Variants in AGBL1 observed in about 807,000 individuals in gnomAD.
AGBL1 encodes AGBL carboxypeptidase 1.
In AGBL1, 130 loss-of-function variants were observed where a neutral mutation model predicts 118.9. That is an observed-to-expected ratio of 1.09 (90% CI 0.95 to 1.26). The LOEUF (loss-of-function observed/expected upper bound fraction) is 1.26, where lower values mean the gene tolerates loss of function less well. AGBL1 is among the 50% of genes most tolerant of loss of function. The pLI is 0.00. For synonymous variants in AGBL1, 555 were observed against 478.9 expected (o/e 1.16, Z -2.08); for missense variants, 1,584 against 1,298.1 (o/e 1.22, Z -3.38).
rs1491070235 is a variant in AGBL1 at position 86,625,383 on chromosome 15, TTG to T, written c.2995-48888_2995-48887del. Among the ~76,000 whole-genome samples the T allele has an allele frequency of 1.2e-3, 45 of 38,838 alleles. 7 individuals carry two copies. Among genetic ancestry groups the T allele is most frequent in the East Asian group, 3.8e-3 (3 of 784 alleles). 25.5% of individuals were successfully genotyped at this position (38,838 alleles called of 152,430 possible). A position where few individuals can be genotyped will look rare whatever the true frequency, so the allele number is the denominator to read the frequency against. On this transcript the variant is annotated intron_variant, in intron 21 of 22. Coordinates refer to ENST00000614907, the MANE Select transcript of AGBL1 (RefSeq NM_001386094.1). ...AATTAGCGTTTTTTTTTTTTTGTTT[TTG>T]TTTTTTTTTTTTTTTACAAACACAG... is the stretch of plus-strand genomic sequence containing the variant.
intron 7 of AGBL1, among the ~76,000 whole-genome samples, chr15:86,249,286 A>G (rs566486597): frequency 6.6e-6 from 1 of 152,154 alleles, no homozygotes; most frequent in Non-Finnish European, 1.5e-5. Flanking sequence ...TCTTCTCTGG[A>G]CACCCTCCAG....
chr15:86,639,819 T>A (rs896256018), intron 21 of AGBL1, among the ~76,000 whole-genome samples: 2 of 152,134 alleles, frequency 1.3e-5, no homozygotes, highest in Non-Finnish European at 2.9e-5. Flanking sequence ...GGGAAACCCA[T>A]GTATATTAAT....
chr15:86,142,630 G>C (rs541560316), intron 2 of AGBL1, among the ~76,000 whole-genome samples: 1 of 152,222 alleles, frequency 6.6e-6, no homozygotes, highest in East Asian at 1.9e-4. Context: ...ACACTGAACA[G>C]GCAATATCAG....
intron 21 of AGBL1, among the ~76,000 whole-genome samples, chr15:86,597,036 T>C (rs899851242): frequency 1.3e-5 from 2 of 152,310 alleles, no homozygotes; most frequent in Admixed American, 6.5e-5. Flanking sequence ...GTTCTCATTT[T>C]CCACAGCAAG....
intron 21 of AGBL1, among the ~76,000 whole-genome samples, chr15:86,572,678 C>T (rs935801794): frequency 6.6e-6 from 1 of 152,178 alleles, no homozygotes; most frequent in East Asian, 1.9e-4. Flanking sequence ...TCGGCTGCCT[C>T]AGGGTACAGG....
At chr15:86,651,857 C>T (rs970660460) in intron 21 of AGBL1, among the ~76,000 whole-genome samples, 2 of 152,108 alleles carry the variant, frequency 1.3e-5, no homozygotes, top group Non-Finnish European at 2.9e-5. Flanking sequence ...TGGTGTCAGT[C>T]CTGGTTGCCC....
At chr15:86,975,923 A>G (rs905026657) in intron 23 of AGBL1, among the ~76,000 whole-genome samples, 3 of 58,670 alleles carry the variant, frequency 5.1e-5, no homozygotes, top group Admixed American at 4.4e-4. Context: ...TGCAAGCCCC[A>G]TGACAGCAGA....
At chr15:86,229,426 T>C (rs1417543142) in intron 6 of AGBL1, among the ~76,000 whole-genome samples, 1 of 152,114 alleles carries the variant, frequency 6.6e-6, no homozygotes, top group East Asian at 1.9e-4. Flanking sequence ...GAGAACTCAC[T>C]CACTATCAGG....
At chr15:87,024,185 G>A (rs2081699230) in intron 24 of AGBL1, among the ~76,000 whole-genome samples, 1 of 151,774 alleles carries the variant, frequency 6.6e-6, no homozygotes, top group Admixed American at 6.6e-5. Context: ...AAAGATAAAT[G>A]AAACAAAAAT....
chr15:86,825,712 C>T (rs1286455913), intron 22 of AGBL1, among the ~76,000 whole-genome samples: 11 of 119,786 alleles, frequency 9.2e-5, no homozygotes, highest in Admixed American at 1.9e-4. Flanking sequence ...AGGGAGAAAG[C>T]GAGAGAGGGA....
chr15:86,626,064 A>G (rs550327107), intron 21 of AGBL1, among the ~76,000 whole-genome samples: 238 of 152,304 alleles, frequency 1.6e-3, no homozygotes, highest in African/African-American at 5.5e-3. Context: ...AGTCAGGAAA[A>G]AAAGGGTTGC....
At chr15:86,701,410 G>A (rs1168914719) in intron 22 of AGBL1, among the ~76,000 whole-genome samples, 1 of 152,068 alleles carries the variant, frequency 6.6e-6, no homozygotes, top group Non-Finnish European at 1.5e-5. Flanking sequence ...ATAAATAGTT[G>A]ATAGAATCCA....
At chr15:86,433,445 T>G (rs919508429) in intron 18 of AGBL1, among the ~76,000 whole-genome samples, 2 of 152,004 alleles carry the variant, frequency 1.3e-5, no homozygotes, top group African/African-American at 2.4e-5. Flanking sequence ...CGTTGGCATT[T>G]CTTGTGCAAG....
intron 17 of AGBL1, among the ~76,000 whole-genome samples, chr15:86,391,740 G>A (rs987932351): frequency 6.8e-6 from 1 of 147,260 alleles, no homozygotes; most frequent in African/African-American, 2.5e-5. Flanking sequence ...AAGCAGGCAG[G>A]AACTTAGTTT....
chr15:86,238,750 G>A (rs1405442738), intron 6 of AGBL1, among the ~76,000 whole-genome samples: 5 of 152,232 alleles, frequency 3.3e-5, no homozygotes, highest in African/African-American at 1.2e-4. Flanking sequence ...CATATGGAAT[G>A]TAGAATGTTG....
chr15:86,627,327 G>A (rs1037277876), intron 21 of AGBL1, among the ~76,000 whole-genome samples: 2 of 152,148 alleles, frequency 1.3e-5, no homozygotes, highest in African/African-American at 4.8e-5. Flanking sequence ...AGAAGTTTTT[G>A]CCTATTGTCT....
intron 23 of AGBL1, among the ~76,000 whole-genome samples, chr15:86,975,822 G>A (rs567501835): frequency 6.6e-6 from 1 of 152,186 alleles, no homozygotes; most frequent in Admixed American, 6.6e-5. Flanking sequence ...AAATTCTCAA[G>A]AACACCTGGT....
At chr15:86,320,724 T>C (rs749663494) in intron 17 of AGBL1, among the ~76,000 whole-genome samples, 4 of 106,582 alleles carry the variant, frequency 3.8e-5, no homozygotes, top group Non-Finnish European at 7.0e-5. Context: ...TGTGTGTGCG[T>C]GTGTGTGTGT....
chr15:86,262,211 A>G (rs28679485), intron 9 of AGBL1, among the ~76,000 whole-genome samples: 6,632 of 150,672 alleles, frequency 0.044, 502 homozygotes, highest in African/African-American at 0.15. Flanking sequence ...TCATTTCAAG[A>G]GGAGTTATAA....
Sources: allele counts gnomAD v4.1 joint callset (sites outside exome capture counted in the v4.1 genomes callset), GRCh38; gene constraint gnomAD v4.1.1; transcripts MANE v1.5; gene names NCBI Gene and HGNC (gene_info 2026-07-23, HGNC 2026-07-21).